MEGF6: variants seen among roughly 807,000 people sequenced by gnomAD.
MEGF6 encodes multiple epidermal growth factor-like domains protein 6.
A neutral mutation model predicts 207.1 loss-of-function variants in MEGF6; 184 were observed. The ratio of observed to expected loss-of-function variants is 0.89; its 90% CI spans 0.79 to 1.00. MEGF6 has a LOEUF of 1.00. Among genes scored for constraint, MEGF6 ranks in the 50% least tolerant of loss-of-function variants. MEGF6 has a pLI of 0.00. For missense variants in MEGF6, 2,282 were observed against 2,202.9 expected, an observed-to-expected ratio of 1.04 and a Z score of -0.72; for synonymous variants, 1,038 against 910.0, an observed-to-expected ratio of 1.14 and a Z score of -2.53.
the MEGF6 span, among the ~76,000 whole-genome samples, chr1:3,619,919 T>C: frequency 6.6e-6 from 1 of 152,216 alleles, no homozygotes; most frequent in Non-Finnish European, 1.5e-5. Flanking sequence ...TGGAACTTCC[T>C]AGAGACTTGT....
rs1441097723 is a variant in MEGF6, at chr1:3,498,369, A to C, written c.3352+2T>G. 6.3e-7 allele frequency: 1 copy of C among 1,599,770 alleles called. No individual in the cohort carries two copies. Among genetic ancestry groups the C allele is most frequent in the Non-Finnish European group, 8.5e-7 (1 of 1,176,750 alleles). On this transcript the variant is annotated splice_donor_variant, in intron 26 of 36. Transcript: ENST00000356575. LOFTEE classifies it high-confidence loss of function. Reference sequence around the variant, plus strand: ...ACCCCCCTGCTGCCCCGCCCCACTCACGGCTCTGACACTTGTCCCCAGTCC... The same window carrying C: ...ACCCCCCTGCTGCCCCGCCCCACTCCCGGCTCTGACACTTGTCCCCAGTCC...
At chr1:3,532,315 C>G (rs1346661185) in intron 4 of MEGF6, among the ~76,000 whole-genome samples, 1 of 152,228 alleles carries the variant, frequency 6.6e-6, no homozygotes, top group Non-Finnish European at 1.5e-5. Context: ...CCAGAGCCCC[C>G]CATCCTCTCT....
chr1:3,594,578 T>A lies in MEGF6; in HGVS notation c.376+760A>T, dbSNP rs991683052. Among the ~76,000 whole-genome samples the A allele has an allele frequency of 3.9e-5, 6 of 152,304 alleles. No homozygotes were observed. Among genetic ancestry groups the A allele is most frequent in the African/African-American group, 1.4e-4 (6 of 41,562 alleles). ...CTTTATGGGACAGGGTCCCATGACC[T>A]CTGGACTGACCCCTCCCAGGGAGGG... On this transcript the variant is annotated intron_variant, in intron 3 of 36. Transcript: ENST00000356575. The surrounding 1 kb of genome is among the most constrained non-coding windows in gnomAD (Gnocchi z 4.2).
intron 3 of MEGF6, among the ~76,000 whole-genome samples, chr1:3,592,059 G>A (rs926022338): frequency 4.1e-4 from 62 of 152,234 alleles, no homozygotes; most frequent in Admixed American, 1.1e-3. Flanking sequence ...GGGTCCCTGA[G>A]GCCACCCATT....
At chr1:3,557,102 G>A (rs981896006) in intron 4 of MEGF6, among the ~76,000 whole-genome samples, 5 of 152,090 alleles carry the variant, frequency 3.3e-5, no homozygotes, top group Admixed American at 6.5e-5. Flanking sequence ...AAGGAGCCAC[G>A]AGCCAAGGAA....
In MEGF6 at chr1:3,524,128, G is replaced by A. The variant is rs1470519548; in HGVS notation, c.600C>T (p.Cys200=). 2 of 1,611,768 alleles carry A rather than the reference G, an allele frequency of 1.2e-6. No individual in the cohort carries two copies. The highest frequency in any genetic ancestry group is 2.2e-5 in the South Asian group (2 of 90,964). The stretch of plus-strand genomic sequence containing the variant: ...GGGTCTCCAGGCGACACTCACCCAG[G>A]CAGGTCCTGCTGTCAGTGTGGAGCC... ...GFRLHTDSRT[C]LAINSCALGN... is the part of the protein sequence containing the mutation. Residue 200 remains cysteine (C), a synonymous_variant, in exon 5 of 37, where the codon TGC becomes TGT. Transcript: ENST00000356575.
intron 5 of MEGF6, among the ~76,000 whole-genome samples, chr1:3,517,974 T>A (rs1412815959): frequency 6.6e-6 from 1 of 152,256 alleles, no homozygotes; most frequent in Non-Finnish European, 1.5e-5. Context: ...CACCGCGTGC[T>A]TCCGCAATCC....
intron 5 of MEGF6, among the ~76,000 whole-genome samples, chr1:3,518,869 C>T (rs2101123984): frequency 6.6e-6 from 1 of 152,332 alleles, no homozygotes; most frequent in Non-Finnish European, 1.5e-5. Flanking sequence ...CCCAGCTCCC[C>T]TCCAGGCGGG....
intron 1 of MEGF6, among the ~76,000 whole-genome samples, chr1:3,605,134 C>T (rs1477144675): frequency 2.2e-5 from 3 of 133,956 alleles, no homozygotes; most frequent in South Asian, 2.4e-4. Flanking sequence ...ATACACACAC[C>T]CACACACAGT....
intron 18 of MEGF6, 58 bp from the exon 19 acceptor site, chr1:3,501,366 C>T (rs1402207527): frequency 6.5e-7 from 1 of 1,534,910 alleles, no homozygotes; most frequent in Non-Finnish European, 8.8e-7. Context: ...AACACATCAA[C>T]ATAACATGGC....
At chr1:3,491,223 C>CA (rs1450617288) in intron 35 of MEGF6, among the ~76,000 whole-genome samples, 1 of 152,086 alleles carries the variant, frequency 6.6e-6, no homozygotes, top group Non-Finnish European at 1.5e-5. Context: ...AACGCCAAGC[C>CA]AAGTCCACTC....
chr1:3,543,943 C>T (rs574424517), intron 4 of MEGF6, among the ~76,000 whole-genome samples: 14 of 152,342 alleles, frequency 9.2e-5, no homozygotes, highest in African/African-American at 3.4e-4. Context: ...TAAACACGGC[C>T]GGCAGCCCCA....
At chr1:3,599,511 G>A (rs767150520) in intron 2 of MEGF6, among the ~76,000 whole-genome samples, 2 of 152,230 alleles carry the variant, frequency 1.3e-5, no homozygotes, top group Non-Finnish European at 2.9e-5. Flanking sequence ...TGACAATGAG[G>A]CCCCAACAAC....
At chr1:3,567,856 G>A in intron 4 of MEGF6, among the ~76,000 whole-genome samples, 1 of 152,100 alleles carries the variant, frequency 6.6e-6, no homozygotes, top group Non-Finnish European at 1.5e-5. Context: ...CTCGGCATAG[G>A]AAACCCCTCC....
chr1:3,598,385 C>G (rs1239930748), intron 2 of MEGF6, among the ~76,000 whole-genome samples: 1 of 152,228 alleles, frequency 6.6e-6, no homozygotes, highest in Non-Finnish European at 1.5e-5. Context: ...TCTGGGAGCG[C>G]CTTGCAAACC....
intron 1 of MEGF6, among the ~76,000 whole-genome samples, chr1:3,602,823 C>T (rs552286824): frequency 6.6e-6 from 1 of 152,294 alleles, no homozygotes; most frequent in East Asian, 1.9e-4. Context: ...CCGCAACATC[C>T]CCCACGCATG....
chr1:3,530,650 C>T, intron 4 of MEGF6, among the ~76,000 whole-genome samples: 1 of 152,202 alleles, frequency 6.6e-6, no homozygotes, highest in South Asian at 2.1e-4. Context: ...ACGGCACCTG[C>T]CACATCCACA....
At chr1:3,578,539 G>T (rs796374476) in intron 4 of MEGF6, among the ~76,000 whole-genome samples, 31 of 143,152 alleles carry the variant, frequency 2.2e-4, no homozygotes, top group Admixed American at 6.7e-4. Flanking sequence ...GGGGCCCTGG[G>T]GGGGGGGGGC....
intron 4 of MEGF6, among the ~76,000 whole-genome samples, chr1:3,564,529 G>A (rs996444446): frequency 4.6e-5 from 7 of 151,974 alleles, no homozygotes; most frequent in African/African-American, 1.7e-4. Flanking sequence ...TCCCTCTCCT[G>A]TGCCCAGCAC....
Sources: allele counts gnomAD v4.1 joint callset (sites outside exome capture counted in the v4.1 genomes callset), GRCh38; gene constraint gnomAD v4.1.1; non-coding constraint Gnocchi (gnomAD v3.1); transcripts MANE v1.5; gene names NCBI Gene and HGNC (gene_info 2026-07-23, HGNC 2026-07-21).